The following GSE1 variants were observed in gnomAD, a reference collection of about 807,000 sequenced individuals.
GSE1 encodes Gse1 coiled-coil protein.
Under a neutral mutation model 112.6 loss-of-function variants are expected in GSE1, and 32 were observed. That is an observed-to-expected ratio of 0.28 (90% CI 0.21 to 0.38). GSE1 has a LOEUF of 0.38. Among genes scored for constraint, GSE1 ranks in the 10% least tolerant of loss-of-function variants. The pLI is 1.00. For missense variants in GSE1, 2,348 were observed against 1,699.2 expected (o/e 1.38, Z -6.71); for synonymous variants, 1,115 against 735.6 (o/e 1.52, Z -8.35).
At chr16:85,401,595 C>G (rs2048117208) in intron 2 of GSE1, among the ~76,000 whole-genome samples, 1 of 152,150 alleles carries the variant, frequency 6.6e-6, no homozygotes, top group Non-Finnish European at 1.5e-5. Flanking sequence ...GGCGGCCCAT[C>G]CAGGTGAGGG....
At chr16:85,213,599 C>T (rs902736533) in intron 1 of GSE1, among the ~76,000 whole-genome samples, 5 of 152,238 alleles carry the variant, frequency 3.3e-5, no homozygotes, top group Admixed American at 6.5e-5. Context: ...CGGGCTATGG[C>T]TCCTGCACGG....
intron 1 of GSE1, among the ~76,000 whole-genome samples, chr16:85,322,974 T>C (rs548930747): frequency 6.6e-6 from 1 of 152,278 alleles, no homozygotes; most frequent in East Asian, 1.9e-4. Flanking sequence ...TGCTGATTGG[T>C]GAGTGACCCT....
At chr16:85,569,379 C>T (rs181973560) in intron 1 of GSE1, among the ~76,000 whole-genome samples, 15 of 152,328 alleles carry the variant, frequency 9.8e-5, no homozygotes, top group African/African-American at 2.9e-4. Flanking sequence ...GCCAAGTGGT[C>T]GGATGTGAAT....
At chr16:85,362,367 C>G (rs138165621) in intron 2 of GSE1, among the ~76,000 whole-genome samples, 184 of 152,328 alleles carry the variant, frequency 1.2e-3, no homozygotes, top group African/African-American at 4.2e-3. Flanking sequence ...TGGGAACAGG[C>G]TTCCCTAGAA....
chr16:85,630,222 G>T (rs560178073), intron 1 of GSE1, among the ~76,000 whole-genome samples: 1 of 152,220 alleles, frequency 6.6e-6, no homozygotes, highest in African/African-American at 2.4e-5. Flanking sequence ...ATCTTACCTT[G>T]GCAGCTGCAG....
intron 2 of GSE1, among the ~76,000 whole-genome samples, chr16:85,372,457 G>A (rs1352145246): frequency 1.4e-5 from 2 of 148,044 alleles, no homozygotes; most frequent in Non-Finnish European, 3.0e-5. Flanking sequence ...TCCAACCTGG[G>A]TGACAGTGAA....
At chr16:85,437,362 T>C (rs1406115924) in intron 2 of GSE1, among the ~76,000 whole-genome samples, 1 of 152,178 alleles carries the variant, frequency 6.6e-6, no homozygotes, top group Non-Finnish European at 1.5e-5. Flanking sequence ...GGAAGGCTTT[T>C]TTCCCTCTTC....
chr16:85,520,397 G>A (rs1451160669), intron 2 of GSE1, among the ~76,000 whole-genome samples: 1 of 151,938 alleles, frequency 6.6e-6, no homozygotes, highest in Non-Finnish European at 1.5e-5. Flanking sequence ...GACATGCAGG[G>A]TCTTGGAGGG....
chr16:85,539,480 G>A (rs189159988), intron 2 of GSE1, among the ~76,000 whole-genome samples: 5 of 152,180 alleles, frequency 3.3e-5, no homozygotes, highest in Admixed American at 3.3e-4. Flanking sequence ...AGAATCCCTG[G>A]TACAGGCTTT....
chr16:85,552,471 A>G (rs1314288091), upstream of GSE1, among the ~76,000 whole-genome samples: 1 of 125,928 alleles, frequency 7.9e-6, no homozygotes, highest in Non-Finnish European at 1.8e-5. Flanking sequence ...AGCTGGGACT[A>G]CAGGCGCCCG....
intron 2 of GSE1, among the ~76,000 whole-genome samples, chr16:85,402,781 G>C (rs141676339): frequency 6.6e-6 from 1 of 152,096 alleles, no homozygotes; most frequent in Admixed American, 6.5e-5. Flanking sequence ...AGTTATCCGG[G>C]TGTGGCTCCT....
At chr16:85,495,025 C>G (rs2051126769) in intron 2 of GSE1, among the ~76,000 whole-genome samples, 2 of 152,212 alleles carry the variant, frequency 1.3e-5, no homozygotes, top group South Asian at 4.1e-4. Flanking sequence ...CGGCCCGGCC[C>G]AGGAGTTTCT....
At chr16:85,575,199 A>T (rs1003085412) in intron 1 of GSE1, among the ~76,000 whole-genome samples, 2 of 152,240 alleles carry the variant, frequency 1.3e-5, no homozygotes, top group Non-Finnish European at 2.9e-5. Flanking sequence ...GAGGCTGAGC[A>T]TATGTCCACA....
intron 1 of GSE1, among the ~76,000 whole-genome samples, chr16:85,191,817 G>A (rs924021921): frequency 2.6e-5 from 4 of 152,144 alleles, no homozygotes; most frequent in African/African-American, 9.7e-5. Flanking sequence ...TACTTGCAAG[G>A]CTTCTGGCTA....
chr16:85,567,204 G>A (rs565091610), intron 1 of GSE1, among the ~76,000 whole-genome samples: 1 of 152,206 alleles, frequency 6.6e-6, no homozygotes, highest in African/African-American at 2.4e-5. Context: ...CGGGGGAGGG[G>A]ATGGGGCGGC....
intron 2 of GSE1, among the ~76,000 whole-genome samples, chr16:85,387,196 G>A (rs1479872056): frequency 6.6e-6 from 1 of 152,184 alleles, no homozygotes; most frequent in Non-Finnish European, 1.5e-5. Flanking sequence ...CCGGGCCTAA[G>A]GAGGGTGGTG....
rs527846000 is a variant in GSE1 at position 85,224,842 on chromosome 16, A to G, written c.2283+53035A>G. Among the ~76,000 whole-genome samples the G allele has an allele frequency of 3.1e-3, 465 of 151,034 alleles. 3 individuals carry two copies. Among genetic ancestry groups the G allele is most frequent in the Middle Eastern group, 0.01 (3 of 292 alleles). ...GTCTCTACTAAAAATACAAAAAAAA[A>G]AAAAAAATTAGCCAGGTGTGGTGGC... is the stretch of plus-strand genomic sequence containing the variant. On this transcript the variant is annotated intron_variant, in intron 1 of 2. Transcript: ENST00000637419.
At chr16:85,223,958 A>T (rs1468687392) in intron 1 of GSE1, among the ~76,000 whole-genome samples, 2 of 152,120 alleles carry the variant, frequency 1.3e-5, no homozygotes, top group Non-Finnish European at 2.9e-5. Context: ...GCCCATTCAC[A>T]AGGCCGTGCA....
In GSE1 at chr16:85,324,515, A is replaced by G. The variant is rs925271211; in HGVS notation, c.2284-32948A>G. ...ACAGAGCGAGACTCCCTCTCAAAAA[A>G]AAAAAAAAAAAGAAAAAGAAAACAT... On this transcript the variant is annotated intron_variant, in intron 1 of 2. Transcript: ENST00000637419. 5.5e-3 allele frequency among the ~76,000 whole-genome samples: 828 copies of G among 151,926 alleles called. 22 individuals are homozygous for G. The highest frequency in any genetic ancestry group is 0.045 in the East Asian group (235 of 5,176).
Sources: allele counts gnomAD v4.1 joint callset (sites outside exome capture counted in the v4.1 genomes callset), GRCh38; gene constraint gnomAD v4.1.1; transcripts MANE v1.5; gene names NCBI Gene and HGNC (gene_info 2026-07-23, HGNC 2026-07-21).